Variants in R3HDM2 observed in about 807,000 individuals in gnomAD.
The protein encoded by R3HDM2 is R3H domain containing 2.
Under a neutral mutation model 124.5 loss-of-function variants are expected in R3HDM2, and 38 were observed. The ratio of observed to expected loss-of-function variants is 0.31; its 90% CI spans 0.24 to 0.40. The LOEUF is 0.40. Among genes scored for constraint, R3HDM2 ranks in the 10% least tolerant of loss-of-function variants. R3HDM2 has a pLI of 1.00. For missense variants in R3HDM2, 869 were observed against 1,236.9 expected (o/e 0.70, Z 4.46); for synonymous variants, 391 against 448.0 (o/e 0.87, Z 1.61).
intron 14 of R3HDM2, among the ~76,000 whole-genome samples, chr12:57,275,209 A>G (rs2137644284): frequency 6.6e-6 from 1 of 152,278 alleles, no homozygotes; most frequent in Admixed American, 6.5e-5. Context: ...ACAAAAACAT[A>G]AAGTGGGGAA....
At chr12:57,312,052 C>T (rs374358409) in intron 2 of R3HDM2, among the ~76,000 whole-genome samples, 9 of 152,218 alleles carry the variant, frequency 5.9e-5, no homozygotes, top group African/African-American at 1.9e-4. Context: ...TACTTCAACC[C>T]TGAAGACTTC....
At chr12:57,362,091 C>T (rs532229253) in intron 2 of R3HDM2, among the ~76,000 whole-genome samples, 1 of 152,194 alleles carries the variant, frequency 6.6e-6, no homozygotes, top group East Asian at 1.9e-4. Context: ...AAGATCGTGC[C>T]ACTGCACTCC....
chr12:57,327,845 T>C (rs1251415446), intron 2 of R3HDM2, among the ~76,000 whole-genome samples: 1 of 152,190 alleles, frequency 6.6e-6, no homozygotes. Context: ...AAGTAGGTTC[T>C]TGAGATGGAA....
intron 2 of R3HDM2, among the ~76,000 whole-genome samples, chr12:57,338,180 G>C (rs1208241633): frequency 2.0e-5 from 3 of 152,124 alleles, no homozygotes; most frequent in African/African-American, 7.2e-5. Context: ...GCGCATGCCT[G>C]TACTCCCAGC....
intron 2 of R3HDM2, chr12:57,341,415 T>C (rs569804998): frequency 3.9e-5 from 38 of 984,506 alleles, no homozygotes; most frequent in Middle Eastern, 5.2e-4. Context: ...TTCTTCCTTC[T>C]CTCCGTCCCC....
At chr12:57,283,008 C>T (rs1250626215) in intron 13 of R3HDM2, among the ~76,000 whole-genome samples, 2 of 152,192 alleles carry the variant, frequency 1.3e-5, no homozygotes, top group Admixed American at 1.3e-4. Context: ...TGGGTGGTTA[C>T]AGAGCTTTCA....
At chr12:57,368,574 T>A (rs956702168) in intron 2 of R3HDM2, among the ~76,000 whole-genome samples, 3 of 152,162 alleles carry the variant, frequency 2.0e-5, no homozygotes, top group African/African-American at 4.8e-5. Context: ...TATATCTATG[T>A]GATGGAGCCC....
intron 2 of R3HDM2, among the ~76,000 whole-genome samples, chr12:57,361,233 A>G (rs1464387487): frequency 1.4e-5 from 2 of 147,326 alleles, no homozygotes; most frequent in East Asian, 4.1e-4. Flanking sequence ...AAATGAGCCG[A>G]GCATGGTGGC....
intron 2 of R3HDM2, among the ~76,000 whole-genome samples, chr12:57,351,422 A>G (rs2060662768): frequency 6.6e-6 from 1 of 152,250 alleles, no homozygotes; most frequent in Admixed American, 6.5e-5. Flanking sequence ...TCACATCAAC[A>G]GGATATAAAA....
chr12:57,270,081 CT>C, intron 14 of R3HDM2, 87 bp from the exon 15 acceptor site: 1 of 1,482,144 alleles, frequency 6.7e-7, no homozygotes, highest in Admixed American at 1.8e-5. Flanking sequence ...AATAGCAATG[CT>C]TTTTACAACC....
intron 2 of R3HDM2, among the ~76,000 whole-genome samples, chr12:57,376,842 T>G (rs1409419595): frequency 4.6e-5 from 7 of 151,636 alleles, no homozygotes; most frequent in African/African-American, 1.7e-4. Context: ...TCCCAGCTAC[T>G]TGGGAGGCTG....
intron 3 of R3HDM2, among the ~76,000 whole-genome samples, chr12:57,308,747 A>G (rs1424938031): frequency 6.6e-6 from 1 of 152,224 alleles, no homozygotes; most frequent in African/African-American, 2.4e-5. Context: ...GAAGTACACA[A>G]AACAGGAATT....
At chr12:57,394,602 AAGAC>A (rs1424620635) in intron 2 of R3HDM2, among the ~76,000 whole-genome samples, 2 of 152,202 alleles carry the variant, frequency 1.3e-5, no homozygotes, top group African/African-American at 2.4e-5. Flanking sequence ...TTTTTTTAAA[AAGAC>A]AGAGAAAGAA....
intron 2 of R3HDM2, among the ~76,000 whole-genome samples, chr12:57,327,259 G>C (rs1166682339): frequency 1.3e-5 from 2 of 152,028 alleles, no homozygotes; most frequent in Non-Finnish European, 2.9e-5. Flanking sequence ...CTGAGGTTAG[G>C]AGTTCAAAAC....
intron 2 of R3HDM2, among the ~76,000 whole-genome samples, chr12:57,381,437 C>T (rs1285744613): frequency 6.7e-6 from 1 of 150,062 alleles, no homozygotes; most frequent in African/African-American, 2.5e-5. Flanking sequence ...CCCAGCTACT[C>T]GGGAGGTTGA....
intron 2 of R3HDM2, among the ~76,000 whole-genome samples, chr12:57,372,689 C>T (rs900311233): frequency 2.6e-5 from 4 of 152,140 alleles, no homozygotes; most frequent in African/African-American, 9.7e-5. Context: ...GATTAAAACT[C>T]GATTTTCCAC....
intron 14 of R3HDM2, among the ~76,000 whole-genome samples, chr12:57,276,891 G>GA (rs113739988): frequency 3.7e-4 from 52 of 139,450 alleles, no homozygotes; most frequent in East Asian, 6.2e-4. Flanking sequence ...CATCTCAAAA[G>GA]AAAAAAAAAA....
chr12:57,389,318 A>G (rs939093887), intron 2 of R3HDM2, among the ~76,000 whole-genome samples: 3 of 152,250 alleles, frequency 2.0e-5, no homozygotes, highest in Non-Finnish European at 2.9e-5. Context: ...CAGAAGCAAC[A>G]GGCTGGAAAT....
At chr12:57,300,679 G>A (rs1215095813) in intron 4 of R3HDM2, among the ~76,000 whole-genome samples, 3 of 152,198 alleles carry the variant, frequency 2.0e-5, no homozygotes, top group Non-Finnish European at 4.4e-5. Flanking sequence ...AAAACCTGTT[G>A]TGAGAATTAG....
Sources: gnomAD v4.1 joint callset for allele counts (sites outside exome capture counted in the v4.1 genomes callset) on GRCh38, gnomAD v4.1.1 for gene constraint, MANE v1.5 for transcripts, NCBI Gene and HGNC (gene_info 2026-07-23, HGNC 2026-07-21) for gene names.